PRKD1: variants seen among roughly 807,000 people sequenced by gnomAD.
The protein encoded by PRKD1 is protein kinase D1.
In PRKD1, 63 loss-of-function variants were observed where a neutral mutation model predicts 95.9. The observed-to-expected ratio is 0.66, with a 90% CI of 0.54 to 0.81. The LOEUF is 0.81. PRKD1 is among the 30% of genes least tolerant of loss of function. The pLI is 0.00. For missense variants in PRKD1, 1,048 were observed against 1,165.3 expected (o/e 0.90, Z 1.47); for synonymous variants, 425 against 423.1 (o/e 1.00, Z -0.05).
At chr14:29,753,959 G>C (rs1355158549) in intron 1 of PRKD1, among the ~76,000 whole-genome samples, 2 of 152,196 alleles carry the variant, frequency 1.3e-5, no homozygotes, top group Non-Finnish European at 2.9e-5. Flanking sequence ...TATGCAAAAG[G>C]GCTGAGTTAC....
chr14:29,616,243 C>CAAAAAAAAAAAAAAAAAAAAAAAAAA lies in PRKD1; in HGVS notation c.1905+7908_1905+7909insTTTTTTTTTTTTTTTTTTTTTTTTTT, dbSNP rs72142312. Among the ~76,000 whole-genome samples the CAAAAAAAAAAAAAAAAAAAAAAAAAA allele has an allele frequency of 1.2e-4, 4 of 33,966 alleles. 2 individuals carry two copies. Among genetic ancestry groups the CAAAAAAAAAAAAAAAAAAAAAAAAAA allele is most frequent in the African/African-American group, 2.6e-4 (2 of 7,838 alleles). The allele number at this position is 33,966 out of a possible 152,430, so 22.3% of individuals were successfully genotyped here. A position where few individuals can be genotyped will look rare whatever the true frequency, so the allele number is the denominator to read the frequency against. ...GAGCCTTAGAAATCAAGAGTATGGC[C>CAAAAAAAAAAAAAAAAAAAAAAAAAA]AAAAAAAAAAAAAAAAAAAAAAGCC... On this transcript the variant is annotated intron_variant, in intron 13 of 17. Coordinates refer to ENST00000331968, the MANE Select transcript of PRKD1 (RefSeq NM_002742.3).
intron 13 of PRKD1, among the ~76,000 whole-genome samples, chr14:29,608,741 T>C (rs1173012297): frequency 6.6e-6 from 1 of 152,186 alleles, no homozygotes; most frequent in African/African-American, 2.4e-5. Flanking sequence ...GTGTGTTATA[T>C]CACATGAAAA....
At chr14:29,720,784 A>AAAAT (rs563067101) in intron 2 of PRKD1, among the ~76,000 whole-genome samples, 341 of 151,534 alleles carry the variant, frequency 2.3e-3, no homozygotes, top group Admixed American at 4.6e-3. Context: ...TGTCTCAAAA[A>AAAAT]AAATAAATAA....
At chr14:29,676,505 C>T (rs772736191) in intron 2 of PRKD1, among the ~76,000 whole-genome samples, 25 of 152,132 alleles carry the variant, frequency 1.6e-4, no homozygotes, top group Non-Finnish European at 2.5e-4. Flanking sequence ...CAGGCATGTG[C>T]CACCAAGCCC....
intron 1 of PRKD1, among the ~76,000 whole-genome samples, chr14:29,824,560 T>C (rs531727679): frequency 1.1e-4 from 17 of 152,168 alleles, no homozygotes; most frequent in African/African-American, 4.1e-4. Context: ...AGCACCAATA[T>C]TCAGGAAAAA....
At chr14:29,879,850 C>T (rs1403837087) in intron 1 of PRKD1, among the ~76,000 whole-genome samples, 12 of 152,066 alleles carry the variant, frequency 7.9e-5, no homozygotes, top group South Asian at 2.1e-4. Flanking sequence ...GGCAGCATTT[C>T]GCCCCTGCCC....
chr14:29,576,902 C>T lies in PRKD1; in HGVS notation c.*336G>A, dbSNP rs1474646864. The T allele has an allele frequency of 3.0e-6, 1 of 337,840 alleles. No individual in the cohort carries two copies. Among genetic ancestry groups the T allele is most frequent in the Non-Finnish European group, 5.7e-6 (1 of 175,760 alleles). 20.9% of individuals were successfully genotyped at this position (337,840 alleles called of 1,614,324 possible). A position where few individuals can be genotyped will look rare whatever the true frequency, so the allele number is the denominator to read the frequency against. ...AACAGAACTACTTCACAGATACATTCTGTCTCTTACCAAAATGAAGCTCCA... is the reference window on the plus strand; with the variant it reads ...AACAGAACTACTTCACAGATACATTTTGTCTCTTACCAAAATGAAGCTCCA... On this transcript the variant is annotated 3_prime_UTR_variant, in exon 18 of 18. Transcript: ENST00000331968.
rs763483559 is a variant in PRKD1 at position 29,632,965 on chromosome 14, C to G, written c.1315-19G>C. The G allele has an allele frequency of 1.9e-6, 3 of 1,599,456 alleles. No individual in the cohort carries two copies. In the African/African-American group the frequency reaches 4.0e-5, roughly 21 times the overall value. On this transcript the variant is annotated intron_variant, in intron 8 of 17. Transcript: ENST00000331968. Reference sequence around the variant, plus strand: ...GTTTCCGCTGAAACAGAAGTTAGATCCAAGATCTTTTTAAAAAACTTTAAA... The same window carrying G: ...GTTTCCGCTGAAACAGAAGTTAGATGCAAGATCTTTTTAAAAAACTTTAAA...
At chr14:29,877,726 C>A (rs1028974053) in intron 1 of PRKD1, among the ~76,000 whole-genome samples, 22 of 152,304 alleles carry the variant, frequency 1.4e-4, no homozygotes, top group African/African-American at 5.3e-4. Context: ...TATCCCAGCA[C>A]CATTTATTGG....
chr14:29,759,276 G>C (rs962657049), intron 1 of PRKD1, among the ~76,000 whole-genome samples: 4 of 151,982 alleles, frequency 2.6e-5, no homozygotes, highest in Non-Finnish European at 2.9e-5. Context: ...AATGAACAAA[G>C]AGAGTAATTG....
rs1270627653 is a variant in PRKD1 at position 29,927,237 on chromosome 14, G to A, written c.264+12C>T. The A allele has an allele frequency of 6.7e-7, 1 of 1,489,604 alleles. No individual in the cohort carries two copies. The highest frequency in any genetic ancestry group is 2.3e-5 in the Admixed American group (1 of 42,900). 92.3% of individuals were successfully genotyped at this position (1,489,604 alleles called of 1,614,324 possible). A position where few individuals can be genotyped will look rare whatever the true frequency, so the allele number is the denominator to read the frequency against. On this transcript the variant is annotated intron_variant, in intron 1 of 17. Transcript: ENST00000331968. ...GGGGAGGCGCCGGGCTGGCAGCGGT[G>A]CGGCGACTTACCTTCTGGTCGACAA...
chr14:29,791,896 T>C (rs762967964), intron 1 of PRKD1, among the ~76,000 whole-genome samples: 17 of 152,166 alleles, frequency 1.1e-4, no homozygotes, highest in Non-Finnish European at 1.5e-4. Context: ...ATTTGTTTAA[T>C]ATTTCTTAAA....
At chr14:29,756,724 A>G (rs1247662175) in intron 1 of PRKD1, among the ~76,000 whole-genome samples, 1 of 152,234 alleles carries the variant, frequency 6.6e-6, no homozygotes, top group Non-Finnish European at 1.5e-5. Flanking sequence ...AGAAAGTTCA[A>G]GGTCCTACAG....
chr14:29,723,382 A>T (rs1486154979), intron 2 of PRKD1, among the ~76,000 whole-genome samples: 1 of 152,142 alleles, frequency 6.6e-6, no homozygotes, highest in Non-Finnish European at 1.5e-5. Context: ...CACCTTCAGG[A>T]GAGTCAGGAT....
intron 4 of PRKD1, among the ~76,000 whole-genome samples, chr14:29,660,508 T>G (rs1359653477): frequency 1.3e-5 from 2 of 152,220 alleles, no homozygotes; most frequent in Non-Finnish European, 2.9e-5. Context: ...TTGGGTGCCT[T>G]CAAATAGTGT....
chr14:29,882,353 C>T (rs941226047), intron 1 of PRKD1, among the ~76,000 whole-genome samples: 2 of 152,122 alleles, frequency 1.3e-5, no homozygotes, highest in Non-Finnish European at 2.9e-5. Flanking sequence ...CCAGTGAATT[C>T]GTTATCATGT....
intron 12 of PRKD1, 38 bp downstream of exon 12, chr14:29,626,446 A>T: frequency 6.5e-7 from 1 of 1,538,350 alleles, no homozygotes; most frequent in Non-Finnish European, 9.0e-7. Context: ...ACTAGCAAAA[A>T]TTTTAAGTTC....
At chr14:29,860,607 T>A (rs78639813) in intron 1 of PRKD1, among the ~76,000 whole-genome samples, 1 of 152,204 alleles carries the variant, frequency 6.6e-6, no homozygotes, top group Non-Finnish European at 1.5e-5. Context: ...TTTACAGCTA[T>A]AACTTTAGAA....
chr14:29,749,679 T>C (rs1887388459), intron 1 of PRKD1, among the ~76,000 whole-genome samples: 1 of 152,168 alleles, frequency 6.6e-6, no homozygotes, highest in Non-Finnish European at 1.5e-5. Context: ...GCTTTACATC[T>C]GTAAAGTTAT....
Sources: gnomAD v4.1 joint callset for allele counts (sites outside exome capture counted in the v4.1 genomes callset) on GRCh38, gnomAD v4.1.1 for gene constraint, MANE v1.5 for transcripts, NCBI Gene and HGNC (gene_info 2026-07-23, HGNC 2026-07-21) for gene names.